The following NDFIP2 variants were observed in gnomAD, a reference collection of about 807,000 sequenced individuals.
NDFIP2 encodes Nedd4 family interacting protein 2, also known as NEDD4 family-interacting protein 2.
A neutral mutation model predicts 36.0 loss-of-function variants in NDFIP2; 19 were observed. The observed-to-expected ratio is 0.53, with a 90% CI of 0.37 to 0.77. The LOEUF (loss-of-function observed/expected upper bound fraction) is 0.77, where lower values mean the gene tolerates loss of function less well. Ranked by LOEUF, NDFIP2 falls within the 30% of genes least tolerant of loss-of-function variation. The probability of loss-of-function intolerance (pLI) is 0.00; values close to 1 mark genes in which losing one functional copy is unlikely to be tolerated. For synonymous variants in NDFIP2, 181 were observed against 167.7 expected (o/e 1.08, Z -0.61); for missense variants, 446 against 435.8 (o/e 1.02, Z -0.21).
intron 3 of NDFIP2, among the ~76,000 whole-genome samples, chr13:79,539,360 G>A (rs1375110566): frequency 6.6e-6 from 1 of 152,068 alleles, no homozygotes; most frequent in Non-Finnish European, 1.5e-5. Flanking sequence ...TCCACCACTG[G>A]TTATGAAAGT....
At chr13:79,499,732 G>A (rs989601663) in intron 1 of NDFIP2, among the ~76,000 whole-genome samples, 6 of 151,822 alleles carry the variant, frequency 4.0e-5, no homozygotes, top group Admixed American at 6.6e-5. Flanking sequence ...CTAAATAAAT[G>A]GAAAGATATT....
At chr13:79,506,654 G>T (rs1873879197) in intron 1 of NDFIP2, among the ~76,000 whole-genome samples, 2 of 151,900 alleles carry the variant, frequency 1.3e-5, no homozygotes, top group South Asian at 4.2e-4. Flanking sequence ...AAAAATATAG[G>T]CAGTACATAT....
intron 1 of NDFIP2, among the ~76,000 whole-genome samples, chr13:79,484,982 A>G (rs1872907519): frequency 6.6e-6 from 1 of 152,202 alleles, no homozygotes; most frequent in Admixed American, 6.5e-5. Flanking sequence ...TTACAAGCTA[A>G]TAAGTTAGTG....
Position 79,520,942 on chromosome 13 carries a change from A to G in NDFIP2, c.454A>G (p.Ser152Gly), listed in dbSNP as rs1218104013. 1 of 1,613,192 alleles carries G rather than the reference A, an allele frequency of 6.2e-7. No individual in the cohort carries two copies. Among genetic ancestry groups the G allele is most frequent in the Non-Finnish European group, 8.5e-7 (1 of 1,179,528 alleles). The change falls in exon 2 of 8, where the codon AGT becomes GGT. Residue 152 changes from serine to glycine, a missense_variant. Around this residue, in one of 2 missense-constraint regions of NDFIP2, gnomAD observed 369 missense variants for 304.8 expected, o/e 1.21. Coordinates refer to ENST00000218652, the MANE Select transcript of NDFIP2 (RefSeq NM_019080.3). The stretch of plus-strand genomic sequence containing the variant: ...AACTGACTCTTCCCCTCCACCATAT[A>G]GTAGTATTACTGTGGAAGTACCTAC... ...LETDSSPPPY[S>G]SITVEVPTTS...
chr13:79,528,114 G>A (rs1023355465), intron 2 of NDFIP2, among the ~76,000 whole-genome samples: 2 of 152,042 alleles, frequency 1.3e-5, no homozygotes, highest in African/African-American at 4.8e-5. Context: ...ACAAAAATTA[G>A]CTGGGTGTGG....
At chr13:79,544,953 T>C (rs1875606705) in intron 5 of NDFIP2, among the ~76,000 whole-genome samples, 2 of 152,162 alleles carry the variant, frequency 1.3e-5, no homozygotes, top group Non-Finnish European at 2.9e-5. Context: ...CCCCTGACAA[T>C]TTCTTGTTTT....
At chr13:79,498,885 A>G (rs1050018865) in intron 1 of NDFIP2, among the ~76,000 whole-genome samples, 1 of 151,978 alleles carries the variant, frequency 6.6e-6, no homozygotes, top group Non-Finnish European at 1.5e-5. Context: ...AGTCTTTTCC[A>G]GAAAATTGAA....
chr13:79,549,467 G>A (rs1875817199), intron 6 of NDFIP2, among the ~76,000 whole-genome samples: 2 of 151,906 alleles, frequency 1.3e-5, no homozygotes, highest in South Asian at 4.1e-4. Context: ...GTGGGGCAGA[G>A]TAGAATACAG....
At chr13:79,528,136 C>T (rs191844504) in intron 2 of NDFIP2, among the ~76,000 whole-genome samples, 5 of 151,974 alleles carry the variant, frequency 3.3e-5, no homozygotes, top group Admixed American at 2.0e-4. Context: ...AATGCACACC[C>T]GTAGTCCCAG....
At chr13:79,548,508 A>G (rs1024872710) in intron 6 of NDFIP2, 114 bp downstream of exon 6, 3 of 812,170 alleles carry the variant, frequency 3.7e-6, no homozygotes, top group East Asian at 5.1e-5. Context: ...TAAAATTCTC[A>G]TATTCAAACA....
intron 1 of NDFIP2, among the ~76,000 whole-genome samples, chr13:79,484,044 G>A (rs917521930): frequency 2.0e-5 from 3 of 151,822 alleles, no homozygotes; most frequent in African/African-American, 7.3e-5. Flanking sequence ...TTTTGAGATG[G>A]AGTGTCTGTC....
chr13:79,491,643 G>A (rs8000870), intron 1 of NDFIP2, among the ~76,000 whole-genome samples: 10,169 of 152,002 alleles, frequency 0.067, 720 homozygotes, highest in African/African-American at 0.17. Context: ...ATGTGTATTC[G>A]CAATATGTTA....
At chr13:79,498,801 G>A (rs752146733) in intron 1 of NDFIP2, among the ~76,000 whole-genome samples, 53 of 151,988 alleles carry the variant, frequency 3.5e-4, no homozygotes, top group Admixed American at 9.2e-4. Context: ...TTTCCATCAC[G>A]GGAGTTTTGG....
intron 5 of NDFIP2, among the ~76,000 whole-genome samples, chr13:79,546,329 A>G (rs564760408): frequency 6.6e-6 from 1 of 152,136 alleles, no homozygotes; most frequent in Non-Finnish European, 1.5e-5. Flanking sequence ...TACTACTTCT[A>G]TCTAAGGTTT....
In NDFIP2 at chr13:79,553,902, C is replaced by T. The variant is rs1876003388; in HGVS notation, c.*1389C>T. ...TTTTAAACTTAAAAATTATTTAATA[C>T]AGCTATATGGACCTTATAAAATTGA... On this transcript the variant is annotated 3_prime_UTR_variant, in exon 8 of 8. Transcript: ENST00000218652. The T allele has an allele frequency of 6.6e-6, 1 of 151,808 alleles. No individual in the cohort carries two copies. Among genetic ancestry groups the T allele is most frequent in the African/African-American group, 2.4e-5 (1 of 41,378 alleles). 9.4% of individuals were successfully genotyped at this position (151,808 alleles called of 1,614,324 possible).
intron 5 of NDFIP2, among the ~76,000 whole-genome samples, 164 bp from the exon 6 acceptor site, chr13:79,548,164 A>G (rs980784638): frequency 2.0e-5 from 3 of 151,992 alleles, no homozygotes; most frequent in Non-Finnish European, 2.9e-5. Context: ...AATAATTTAT[A>G]TATGTGTATG....
intron 1 of NDFIP2, among the ~76,000 whole-genome samples, chr13:79,482,810 A>C (rs1352920975): frequency 6.6e-6 from 1 of 152,238 alleles, no homozygotes; most frequent in African/African-American, 2.4e-5. Flanking sequence ...GAATTCTTTG[A>C]AAATTTATCA....
chr13:79,551,082 G>C lies in NDFIP2; in HGVS notation c.973G>C (p.Ala325Pro). Reference sequence around the variant, plus strand: ...AGTCAGAAACATGTCTGAAAGTATGGCAGCTGCTCATAGAACAAGGTATTT... The same window carrying C: ...AGTCAGAAACATGTCTGAAAGTATGCCAGCTGCTCATAGAACAAGGTATTT... ...LKVRNMSESMAAAHRTRYFFL... is the reference protein window; with the variant it reads ...LKVRNMSESMPAAHRTRYFFL... Residue 325 changes from alanine to proline, a missense_variant, in exon 7 of 8, where the codon GCA becomes CCA. Ala to Pro is a conservative substitution (Grantham distance 27). Around this residue, in one of 2 missense-constraint regions of NDFIP2, gnomAD observed 77 missense variants for 131.0 expected, o/e 0.59. Transcript: ENST00000218652. 6.2e-7 allele frequency: 1 copy of C among 1,603,710 alleles called. No individual in the cohort carries two copies. The highest frequency in any genetic ancestry group is 1.7e-5 in the Admixed American group (1 of 58,576).
chr13:79,496,229 C>G (rs769666889), intron 1 of NDFIP2, among the ~76,000 whole-genome samples: 4 of 151,908 alleles, frequency 2.6e-5, no homozygotes, highest in Non-Finnish European at 4.4e-5. Context: ...AAGTGCAGAT[C>G]AGCTGCTAGT....
Sources: gnomAD v4.1 joint callset for allele counts (sites outside exome capture counted in the v4.1 genomes callset) on GRCh38, gnomAD v4.1.1 for gene constraint, gnomAD v4.1.1 regional missense constraint, MANE v1.5 for transcripts, NCBI Gene and HGNC (gene_info 2026-07-23, HGNC 2026-07-21) for gene names.